The following PUDP variants were observed in gnomAD, a reference collection of about 807,000 sequenced individuals.
PUDP encodes pseudouridine 5'-phosphatase.
PUDP carries 8 observed loss-of-function variants against 9.4 expected under a neutral mutation model. The ratio of observed to expected loss-of-function variants is 0.85; its 90% CI spans 0.50 to 1.53. PUDP has a LOEUF of 1.53. PUDP is among the 40% of genes most tolerant of loss of function. PUDP has a pLI of 0.00. For synonymous variants in PUDP, 99 were observed against 80.7 expected, an observed-to-expected ratio of 1.23 and a Z score of -1.22; for missense variants, 188 against 189.7, an observed-to-expected ratio of 0.99 and a Z score of 0.05.
chrX:6,800,734 C>CA (rs1203458621), intron 3 of PUDP, among the ~76,000 whole-genome samples: 2 of 111,702 alleles, frequency 1.8e-5, no homozygotes, highest in East Asian at 5.6e-4. Flanking sequence ...CTCTCACTGT[C>CA]ACTGATCGAT....
chrX:6,942,484 T>C (rs1928413277), intron 3 of PUDP, among the ~76,000 whole-genome samples: 1 of 111,844 alleles, frequency 8.9e-6, no homozygotes, highest in Non-Finnish European at 1.9e-5. Context: ...TAAGTTGCTC[T>C]TTCTGCATTT....
At chrX:6,758,787 C>T (rs1365984612) in intron 3 of PUDP, among the ~76,000 whole-genome samples, 1 of 111,243 alleles carries the variant, frequency 9.0e-6, no homozygotes, top group African/African-American at 3.3e-5. Context: ...TCGCTCTGTG[C>T]GAAGTTGAAG....
chrX:7,036,345 A>G (rs1326398726), intron 1 of PUDP, among the ~76,000 whole-genome samples: 1 of 111,830 alleles, frequency 8.9e-6, no homozygotes, highest in African/African-American at 3.3e-5. Context: ...ATATTTGTTA[A>G]TTATTCAATA....
chrX:6,801,525 T>C (rs1925933104), intron 3 of PUDP, among the ~76,000 whole-genome samples: 1 of 111,574 alleles, frequency 9.0e-6, no homozygotes, highest in African/African-American at 3.3e-5. Flanking sequence ...TTCATTTAAA[T>C]TGCTTTTATT....
chrX:6,788,608 G>T (rs1017866959), intron 3 of PUDP, among the ~76,000 whole-genome samples: 2 of 111,713 alleles, frequency 1.8e-5, no homozygotes, highest in African/African-American at 6.5e-5. Context: ...GGGAGGCTGA[G>T]GCTGGAGGAT....
chrX:6,860,021 T>C (rs1232177651), intron 3 of PUDP, among the ~76,000 whole-genome samples: 3 of 112,488 alleles, frequency 2.7e-5, no homozygotes, highest in Admixed American at 9.4e-5. Context: ...TAGAGGTAGA[T>C]ATTGTTATAA....
At chrX:7,076,413 AG>A (rs1308397017) in intron 3 of PUDP, among the ~76,000 whole-genome samples, 1 of 111,636 alleles carries the variant, frequency 9.0e-6, no homozygotes, top group East Asian at 2.8e-4. Context: ...CGCCAGCGGG[AG>A]CCCCCCTTTC....
rs752252261 is a variant in PUDP at position 6,797,237 on chromosome X, G to A, written c.*248-90771C>T. 2.7e-5 allele frequency among the ~76,000 whole-genome samples: 3 copies of A among 110,885 alleles called. No individual in the cohort carries two copies. The East Asian group carries it at 8.6e-4, about 32-fold the overall frequency. On this transcript the variant is annotated intron_variant and NMD_transcript_variant, in intron 3 of 3. Coordinates refer to the PUDP transcript ENST00000655425. ...TTGAAAATTTGAATACAAATGATCT[G>A]TCTTTGTCTCTAGCACAAGAACTGA...
chrX:6,991,386 T>A (rs1026293394), intron 1 of PUDP, among the ~76,000 whole-genome samples: 12 of 111,226 alleles, frequency 1.1e-4, no homozygotes, highest in South Asian at 3.8e-4. Flanking sequence ...TTTAAAAAAA[T>A]TTTTTTTAAA....
chrX:6,823,851 G>A (rs5989580), intron 3 of PUDP, among the ~76,000 whole-genome samples: 28,411 of 111,499 alleles, frequency 0.25, 2,812 homozygotes, highest in African/African-American at 0.35. Flanking sequence ...GGACATTGCC[G>A]TGGCACCTGT....
chrX:6,919,943 G>A (rs1927996599), intron 3 of PUDP, among the ~76,000 whole-genome samples: 1 of 93,918 alleles, frequency 1.1e-5, no homozygotes, highest in African/African-American at 4.0e-5. Context: ...AATAAAACAG[G>A]AAACAGGATA....
chrX:7,067,548 T>C (rs961586653), intron 3 of PUDP, among the ~76,000 whole-genome samples: 3 of 111,712 alleles, frequency 2.7e-5, no homozygotes, highest in Non-Finnish European at 5.6e-5. Flanking sequence ...TCAAAGCTGA[T>C]GATGTACCCA....
At chrX:7,021,892 T>C (rs1221791461) in intron 1 of PUDP, among the ~76,000 whole-genome samples, 1 of 112,407 alleles carries the variant, frequency 8.9e-6, no homozygotes. Context: ...TATGGCTGAT[T>C]TTATGCAAAA....
Position 6,895,785 on chromosome X carries a change from G to A in PUDP, c.*247+81348C>T, listed in dbSNP as rs762170168. On this transcript the variant is annotated intron_variant and NMD_transcript_variant, in intron 3 of 3. Coordinates refer to the PUDP transcript ENST00000655425. ...ACTAGGTAACTTAAAGAAAACGGAC[G>A]TTTATTGCTCACAGCTCTGGAGGCT... Among the ~76,000 whole-genome samples the A allele has an allele frequency of 7.8e-4, 87 of 111,713 alleles. 1 individual carries two copies. The highest frequency in any genetic ancestry group is 4.6e-3 in the Middle Eastern group (1 of 217).
In PUDP at chrX:6,931,183, A is replaced by G. The variant is rs777658510; in HGVS notation, c.*247+45950T>C. 2.7e-3 allele frequency among the ~76,000 whole-genome samples: 304 copies of G among 111,063 alleles called. 3 individuals carry two copies. The highest frequency in any genetic ancestry group is 9.4e-3 in the African/African-American group (286 of 30,544). ...CACGTTCCATCTCTGCATTGATTGG[A>G]ATTATTATTAGCGCCAGGACCTGGG... On this transcript the variant is annotated intron_variant and NMD_transcript_variant, in intron 3 of 3. Transcript: ENST00000655425.
intron 1 of PUDP, among the ~76,000 whole-genome samples, chrX:7,023,694 T>C (rs1196794327): frequency 2.7e-5 from 3 of 112,315 alleles, no homozygotes; most frequent in African/African-American, 3.2e-5. Context: ...TGCTGTTCCA[T>C]TGATCTACTT....
intron 1 of PUDP, among the ~76,000 whole-genome samples, chrX:7,114,303 A>C (rs1476747060): frequency 9.0e-6 from 1 of 110,624 alleles, no homozygotes; most frequent in Non-Finnish European, 1.9e-5. Context: ...GGCTGGTCCC[A>C]AACTCCTGAC....
chrX:6,830,724 A>G (rs1383049165), intron 3 of PUDP, among the ~76,000 whole-genome samples: 2 of 112,463 alleles, frequency 1.8e-5, no homozygotes, highest in African/African-American at 6.5e-5. Flanking sequence ...TGCACAAAAA[A>G]GAATTTTAAG....
At chrX:6,822,752 T>G (rs1473857078) in intron 3 of PUDP, among the ~76,000 whole-genome samples, 1 of 107,479 alleles carries the variant, frequency 9.3e-6, no homozygotes, top group Non-Finnish European at 1.9e-5. Context: ...GTTTGTTACA[T>G]AGGCAAATCT....
Sources: gnomAD v4.1 joint callset for allele counts (sites outside exome capture counted in the v4.1 genomes callset) on GRCh38, gnomAD v4.1.1 for gene constraint, MANE v1.5 for transcripts, NCBI Gene and HGNC (gene_info 2026-07-23, HGNC 2026-07-21) for gene names.